Variants in PAPOLA observed in about 807,000 individuals in gnomAD.
PAPOLA encodes poly(A) polymerase alpha.
PAPOLA carries 15 observed loss-of-function variants against 100.6 expected under a neutral mutation model. That is an observed-to-expected ratio of 0.15 (90% CI 0.10 to 0.23). The LOEUF is 0.23. Among genes scored for constraint, PAPOLA ranks in the 10% least tolerant of loss-of-function variants. PAPOLA has a pLI of 1.00. For missense variants in PAPOLA, 533 were observed against 884.2 expected, an observed-to-expected ratio of 0.60 and a Z score of 5.04; for synonymous variants, 293 against 300.0, an observed-to-expected ratio of 0.98 and a Z score of 0.24.
chr14:96,547,716 TTAGAATAG>T (rs1900501320), intron 15 of PAPOLA, 73 bp from the exon 16 acceptor site: 1 of 1,070,330 alleles, frequency 9.3e-7, no homozygotes. Context: ...GGATCCCTAC[TTAGAATAG>T]TTTCTCTGGA....
At chr14:96,533,880 A>G (rs1566850455) in intron 9 of PAPOLA, 2 of 985,650 alleles carry the variant, frequency 2.0e-6, no homozygotes, top group Non-Finnish European at 2.4e-6. Flanking sequence ...TGCTACACAT[A>G]TATAAGCAAA....
At chr14:96,514,150 A>G (rs545220405) in intron 1 of PAPOLA, among the ~76,000 whole-genome samples, 1 of 151,702 alleles carries the variant, frequency 6.6e-6, no homozygotes, top group African/African-American at 2.4e-5. Context: ...TTAACAAATC[A>G]TAGGAACTTG....
chr14:96,542,141 G>A, intron 12 of PAPOLA, 102 bp from the exon 13 acceptor site: 1 of 625,208 alleles, frequency 1.6e-6, no homozygotes, highest in Non-Finnish European at 2.8e-6. Flanking sequence ...TTGCTAAATT[G>A]ATGTGGATCT....
chr14:96,509,671 A>G (rs534876336), intron 1 of PAPOLA, among the ~76,000 whole-genome samples: 41 of 152,362 alleles, frequency 2.7e-4, no homozygotes, highest in African/African-American at 9.4e-4. Context: ...CTCCTAGGCT[A>G]TAAACCTGTG....
intron 12 of PAPOLA, 64 bp downstream of exon 12, chr14:96,537,124 T>C: frequency 1.1e-6 from 1 of 892,208 alleles, no homozygotes; most frequent in Non-Finnish European, 1.9e-6. Flanking sequence ...GGTAGCACAT[T>C]ATGACATTTC....
In PAPOLA at chr14:96,525,311, A is replaced by G; in HGVS notation, c.251A>G (p.Asn84Ser). The G allele has an allele frequency of 1.4e-6, 2 of 1,470,456 alleles. No individual in the cohort carries two copies. The highest frequency in any genetic ancestry group is 1.8e-5 in the Admixed American group (1 of 55,014). 91.1% of individuals were successfully genotyped at this position (1,470,456 alleles called of 1,614,324 possible). A position where few individuals can be genotyped will look rare whatever the true frequency, so the allele number is the denominator to read the frequency against. ...AATAACCATTTTTTGTTTCAACAGA[A>G]TCTTCCACAATCTGTAATTGAAAAT... is the stretch of plus-strand genomic sequence containing the variant. ...EWIREISESK[N>S]LPQSVIENVG... The change falls in exon 4 of 22, where the codon AAT (asparagine) becomes AGT (serine). Residue 84 changes from asparagine to serine, a missense_variant and splice_region_variant. Asn to Ser is a conservative substitution (Grantham distance 46). Transcript: ENST00000216277.
In PAPOLA at chr14:96,550,516, A is replaced by C. The variant is rs1051709607; in HGVS notation, c.1522-1964A>C. 2.6e-5 allele frequency among the ~76,000 whole-genome samples: 4 copies of C among 152,352 alleles called. No individual in the cohort carries two copies. In the East Asian group the frequency reaches 7.7e-4, roughly 29 times the overall value. Reference sequence around the variant, plus strand: ...GTCCAAAAATTCTATCAGATGAAGTAACTATAATTTCACAGCAAACCTACT... The same window carrying C: ...GTCCAAAAATTCTATCAGATGAAGTCACTATAATTTCACAGCAAACCTACT... On this transcript the variant is annotated intron_variant, in intron 16 of 21. Coordinates refer to ENST00000216277, the MANE Select transcript of PAPOLA (RefSeq NM_032632.5).
chr14:96,561,960 T>C (rs1046806124), intron 20 of PAPOLA, among the ~76,000 whole-genome samples: 1 of 151,854 alleles, frequency 6.6e-6, no homozygotes, highest in African/African-American at 2.4e-5. Context: ...AGTGGGACAA[T>C]CTCGGCTCAC....
At chr14:96,548,013 C>T (rs1192225443) in intron 16 of PAPOLA, 95 bp downstream of exon 16, 1 of 1,040,802 alleles carries the variant, frequency 9.6e-7, no homozygotes, top group Non-Finnish European at 1.4e-6. Flanking sequence ...GTTAATAAGT[C>T]ATTTTAAATA....
chr14:96,536,815 G>GTA (rs113011991), intron 11 of PAPOLA, 161 bp from the exon 12 acceptor site: 18,498 of 463,512 alleles, frequency 0.04, 1,103 homozygotes, highest in African/African-American at 0.19. Context: ...AAAAAAATGT[G>GTA]TATATATATA....
chr14:96,546,559 T>C (rs1415997620), intron 15 of PAPOLA, among the ~76,000 whole-genome samples: 1 of 152,110 alleles, frequency 6.6e-6, no homozygotes, highest in Non-Finnish European at 1.5e-5. Flanking sequence ...TCTGTAAGTT[T>C]TGGAGCCAGA....
At position 96,544,138 on chromosome 14, in the gene PAPOLA, C is replaced by T. The variant is rs1403082225; in HGVS notation, c.1290-11C>T. 9.6e-6 allele frequency: 14 copies of T among 1,461,100 alleles called. No individual in the cohort carries two copies. The highest frequency in any genetic ancestry group is 1.3e-5 in the Non-Finnish European group (14 of 1,044,426). The allele number at this position is 1,461,100 out of a possible 1,614,324, so 90.5% of individuals were successfully genotyped here. On this transcript the variant is annotated splice_polypyrimidine_tract_variant and intron_variant, in intron 14 of 21. Transcript: ENST00000216277. ...AATCCAGATAAACTATGGTAATGCT[C>T]TTCTTTGCAGGGAAGAATTTCGCAC...
At chr14:96,510,991 A>T (rs1019663395) in intron 1 of PAPOLA, among the ~76,000 whole-genome samples, 51 of 152,252 alleles carry the variant, frequency 3.3e-4, no homozygotes, top group African/African-American at 1.2e-3. Context: ...GAATGAGCAC[A>T]TTAAGGTTAA....
Position 96,517,460 on chromosome 14 carries a change from T to G in PAPOLA, c.9-2595T>G, listed in dbSNP as rs117914283. ...TAATGGATGCGTTTATTACCTTGAT[T>G]ATGCTAATGGAACTACAAGTGTATG... is the stretch of plus-strand genomic sequence containing the variant. On this transcript the variant is annotated intron_variant, in intron 1 of 21. Coordinates refer to ENST00000216277, the MANE Select transcript of PAPOLA (RefSeq NM_032632.5). Among the ~76,000 whole-genome samples the G allele has an allele frequency of 2.1e-3, 319 of 152,302 alleles. 1 individual carries two copies. The highest frequency in any genetic ancestry group is 3.7e-3 in the Non-Finnish European group (250 of 68,024).
In PAPOLA at chr14:96,502,493, C is replaced by A; in HGVS notation, c.-100C>A. 4.3e-6 allele frequency: 4 copies of A among 933,610 alleles called. No individual in the cohort carries two copies. Among genetic ancestry groups the A allele is most frequent in the Non-Finnish European group, 6.6e-6 (4 of 606,208 alleles). The allele number at this position is 933,610 out of a possible 1,614,324, so 57.8% of individuals were successfully genotyped here. On this transcript the variant is annotated 5_prime_UTR_variant, in exon 1 of 22. Coordinates refer to ENST00000216277, the MANE Select transcript of PAPOLA (RefSeq NM_032632.5). ...AGAGGGGTTGGACCCAGGGCTGAGG[C>A]AGGCCCCCCCCTCCCTCCCGCCTCA...
intron 12 of PAPOLA, among the ~76,000 whole-genome samples, chr14:96,538,635 CTT>C (rs1595536476): frequency 6.6e-6 from 1 of 151,920 alleles, no homozygotes; most frequent in Non-Finnish European, 1.5e-5. Context: ...CTTGTGAAAA[CTT>C]TTAAAATATG....
chr14:96,558,773 C>A (rs1204235331), intron 19 of PAPOLA, among the ~76,000 whole-genome samples: 1 of 152,044 alleles, frequency 6.6e-6, no homozygotes, highest in Admixed American at 6.5e-5. Context: ...AAAATCATAT[C>A]TAAGAATGAA....
chr14:96,525,228 C>T (rs1898359943), intron 3 of PAPOLA, 82 bp from the exon 4 acceptor site: 2 of 682,752 alleles, frequency 2.9e-6, no homozygotes, highest in Admixed American at 2.7e-5. Flanking sequence ...TTCTTGGATC[C>T]ACTCCCTCAC....
chr14:96,508,304 A>C (rs1471107062), intron 1 of PAPOLA, among the ~76,000 whole-genome samples: 1 of 152,242 alleles, frequency 6.6e-6, no homozygotes, highest in African/African-American at 2.4e-5. Context: ...CCTTTAGGAA[A>C]GATAACAGAA....
Sources: allele counts gnomAD v4.1 joint callset (sites outside exome capture counted in the v4.1 genomes callset), GRCh38; gene constraint gnomAD v4.1.1; transcripts MANE v1.5; gene names NCBI Gene and HGNC (gene_info 2026-07-23, HGNC 2026-07-21).